SLC25A30: variants seen among roughly 807,000 people sequenced by gnomAD.
SLC25A30 encodes kidney mitochondrial carrier protein 1.
SLC25A30 carries 29 observed loss-of-function variants against 42.7 expected under a neutral mutation model. The ratio of observed to expected loss-of-function variants is 0.68; its 90% CI spans 0.51 to 0.93. The LOEUF (loss-of-function observed/expected upper bound fraction) is 0.93. SLC25A30 is among the 40% of genes least tolerant of loss of function. The pLI, the probability that SLC25A30 is intolerant of heterozygous loss-of-function variation, is 0.00. For missense variants in SLC25A30, 300 were observed against 359.7 expected, an observed-to-expected ratio of 0.83 and a Z score of 1.34; for synonymous variants, 124 against 131.0, an observed-to-expected ratio of 0.95 and a Z score of 0.37.
the SLC25A30 span, among the ~76,000 whole-genome samples, chr13:45,423,651 T>TTATATAAATA: frequency 1.5e-5 from 1 of 67,928 alleles, no homozygotes; most frequent in African/African-American, 8.5e-5. Flanking sequence ...AAATACATAT[T>TTATATAAATA]TATATAAATA....
chr13:45,400,755 C>T (rs1054940835), intron 7 of SLC25A30, among the ~76,000 whole-genome samples: 1 of 152,156 alleles, frequency 6.6e-6, no homozygotes, highest in Non-Finnish European at 1.5e-5. Flanking sequence ...CCTCGGCCTT[C>T]CAAAGTCCTA....
At chr13:45,398,131 T>TA in intron 8 of SLC25A30, 1 of 835,328 alleles carries the variant, frequency 1.2e-6, no homozygotes, top group Non-Finnish European at 1.4e-6. Flanking sequence ...CCTGTAGCCA[T>TA]AAAAAAGAAA....
the SLC25A30 span, among the ~76,000 whole-genome samples, chr13:45,425,096 T>TTGTATATATACATA: frequency 2.9e-4 from 3 of 10,390 alleles, no homozygotes; most frequent in African/African-American, 1.5e-3. Flanking sequence ...ATAAATATAT[T>TTGTATATATACATA]TATAAATATA....
Position 45,404,206 on chromosome 13 carries a change from C to T in SLC25A30, c.393+121G>A. 6.9e-6 allele frequency: 5 copies of T among 722,578 alleles called. No homozygotes were observed. The East Asian group carries it at 1.3e-4, about 19-fold the overall frequency. 44.8% of individuals were successfully genotyped at this position (722,578 alleles called of 1,614,324 possible). ...CCTTTAAAAGTTAGTCTTCATGGCA[C>T]TTAAATTATAAACAGATTCACATAT... On this transcript the variant is annotated intron_variant, in intron 5 of 9. Transcript: ENST00000519676.
At chr13:45,421,484 C>T (rs1301839155), upstream of SLC25A30, among the ~76,000 whole-genome samples, 1 of 151,326 alleles carries the variant, frequency 6.6e-6, no homozygotes. Context: ...TCTTTTTCAT[C>T]TATTCTTTGC....
the SLC25A30 span, among the ~76,000 whole-genome samples, chr13:45,426,172 C>T: frequency 1.3e-5 from 2 of 151,622 alleles, no homozygotes; most frequent in African/African-American, 4.8e-5. Context: ...CTGCAACCTC[C>T]GCCTCCCAGG....
chr13:45,412,454 A>G (rs1883117329), intron 1 of SLC25A30, among the ~76,000 whole-genome samples: 1 of 152,134 alleles, frequency 6.6e-6, no homozygotes, highest in Admixed American at 6.6e-5. Flanking sequence ...TAGCCTTATT[A>G]CGTTACCAGC....
chr13:45,414,344 G>A (rs1357621076), intron 1 of SLC25A30, among the ~76,000 whole-genome samples: 1 of 152,188 alleles, frequency 6.6e-6, no homozygotes. Flanking sequence ...GGGGGCGGGC[G>A]CAGTGGCTCA....
At chr13:45,428,901 A>G in the SLC25A30 span, among the ~76,000 whole-genome samples, 1 of 152,036 alleles carries the variant, frequency 6.6e-6, no homozygotes, top group Non-Finnish European at 1.5e-5. Flanking sequence ...AAGGATTAAG[A>G]ATAATGATAA....
intron 2 of SLC25A30, among the ~76,000 whole-genome samples, chr13:45,410,332 G>C (rs1566210993): frequency 6.6e-6 from 1 of 152,150 alleles, no homozygotes; most frequent in Non-Finnish European, 1.5e-5. Flanking sequence ...GGCAAAGCTG[G>C]GGGAAAGGAC....
At chr13:45,410,714 G>A (rs144878051) in intron 2 of SLC25A30, among the ~76,000 whole-genome samples, 1 of 152,230 alleles carries the variant, frequency 6.6e-6, no homozygotes, top group Non-Finnish European at 1.5e-5. Context: ...TGGGAGACCC[G>A]GGTGGGAGGA....
chr13:45,421,005 G>A (rs1269896922), upstream of SLC25A30, among the ~76,000 whole-genome samples: 1 of 152,086 alleles, frequency 6.6e-6, no homozygotes, highest in Non-Finnish European at 1.5e-5. Flanking sequence ...TCCTCCAAGG[G>A]TCTTGGCCCA....
rs565635678 is a variant in SLC25A30 at position 45,409,803 on chromosome 13, T to C, written c.65-729A>G. 2.0e-5 allele frequency among the ~76,000 whole-genome samples: 3 copies of C among 152,278 alleles called. No homozygotes were observed. In the South Asian group the frequency reaches 6.2e-4, roughly 32 times the overall value. On this transcript the variant is annotated intron_variant, in intron 2 of 9. Coordinates refer to ENST00000519676, the MANE Select transcript of SLC25A30 (RefSeq NM_001010875.4). The stretch of plus-strand genomic sequence containing the variant: ...CAGACAGGGTGACAGAGTGAGACTC[T>C]GTCTCCAAAATAAAATAAAATAAAT...
At chr13:45,420,841 C>T (rs986117201), upstream of SLC25A30, among the ~76,000 whole-genome samples, 1 of 152,112 alleles carries the variant, frequency 6.6e-6, no homozygotes, top group African/African-American at 2.4e-5. Context: ...GCTGGGAGTA[C>T]AGGCATGAGC....
At chr13:45,424,550 T>TAAAAATATATAAATATAAATATATAA in the SLC25A30 span, among the ~76,000 whole-genome samples, 13 of 69,572 alleles carry the variant, frequency 1.9e-4, no homozygotes, top group African/African-American at 6.5e-4. Context: ...TATAAATATA[T>TAAAAATATATAAATATAAATATATAA]AAATATATAT....
At chr13:45,425,264 A>G in the SLC25A30 span, among the ~76,000 whole-genome samples, 1 of 105,496 alleles carries the variant, frequency 9.5e-6, no homozygotes, top group East Asian at 2.5e-4. Context: ...ATACGTATAT[A>G]TACGTATACA....
rs775515494 is a variant in SLC25A30 at position 45,411,368 on chromosome 13, C to G, written c.58G>C (p.Glu20Gln). 7 of 1,613,566 alleles carry G rather than the reference C, an allele frequency of 4.3e-6. No homozygotes were observed. In the South Asian group the frequency reaches 6.6e-5, roughly 15 times the overall value. The change falls in exon 2 of 10, where the codon GAG (glutamate) becomes CAG (glutamine). Residue 20 changes from glutamate to glutamine, a missense_variant. Transcript: ENST00000519676. ...ACCACCCTCAGGTCCTTACCGCACT[C>G]AGCAGTGATGGAGGCCAGCCCCCCG... ...VYGGLASITAECGTFPIDLTK... is the reference protein window; with the variant it reads ...VYGGLASITAQCGTFPIDLTK...
rs759642842 is a variant in SLC25A30, at chr13:45,410,088, C to T, written c.65-1014G>A. Among the ~76,000 whole-genome samples the T allele has an allele frequency of 7.2e-5, 11 of 152,128 alleles. 1 individual carries two copies. Among genetic ancestry groups the T allele is most frequent in the African/African-American group, 9.7e-5 (4 of 41,418 alleles). On this transcript the variant is annotated intron_variant, in intron 2 of 9. Coordinates refer to ENST00000519676, the MANE Select transcript of SLC25A30 (RefSeq NM_001010875.4). Reference sequence around the variant, plus strand: ...TGAGCCCTGGAAGCAATGATGTGTCCCCAACCCAGCACAGGGCATTCAACA... The same window carrying T: ...TGAGCCCTGGAAGCAATGATGTGTCTCCAACCCAGCACAGGGCATTCAACA...
Position 45,395,591 on chromosome 13 carries a change from G to C in SLC25A30, c.*383C>G. The stretch of plus-strand genomic sequence containing the variant: ...GGAGGCTCCATTCCATGGTTCCAGT[G>C]AGCTTTTCTAGAGCAGTCTGATTCT... On this transcript the variant is annotated 3_prime_UTR_variant, in exon 10 of 10. Coordinates refer to ENST00000519676, the MANE Select transcript of SLC25A30 (RefSeq NM_001010875.4). 9.1e-7 allele frequency: 1 copy of C among 1,098,856 alleles called. No individual in the cohort carries two copies. The highest frequency in any genetic ancestry group is 1.1e-6 in the Non-Finnish European group (1 of 896,432). The allele number at this position is 1,098,856 out of a possible 1,614,324, so 68.1% of individuals were successfully genotyped here. A position where few individuals can be genotyped will look rare whatever the true frequency, so the allele number is the denominator to read the frequency against.
Sources: gnomAD v4.1 joint callset for allele counts (sites outside exome capture counted in the v4.1 genomes callset) on GRCh38, gnomAD v4.1.1 for gene constraint, MANE v1.5 for transcripts, NCBI Gene and HGNC (gene_info 2026-07-23, HGNC 2026-07-21) for gene names.